The following CFAP57 variants were observed in gnomAD, a reference collection of about 807,000 sequenced individuals.
CFAP57 encodes the protein cilia and flagella associated protein 57.
In CFAP57, 116 loss-of-function variants were observed where a neutral mutation model predicts 146.8. The observed-to-expected ratio is 0.79, with a 90% CI of 0.68 to 0.92. The LOEUF (loss-of-function observed/expected upper bound fraction) is 0.92. Among genes scored for constraint, CFAP57 ranks in the 40% least tolerant of loss-of-function variants. CFAP57 has a pLI of 0.00. For missense variants in CFAP57, 1,377 were observed against 1,527.2 expected, an observed-to-expected ratio of 0.90 and a Z score of 1.64; for synonymous variants, 518 against 552.8, an observed-to-expected ratio of 0.94 and a Z score of 0.88.
intron 3 of CFAP57, among the ~76,000 whole-genome samples, 172 bp downstream of exon 3, chr1:43,182,022 C>T (rs545600159): frequency 6.6e-6 from 1 of 152,190 alleles, no homozygotes; most frequent in Non-Finnish European, 1.5e-5. Context: ...GATGAGAGAA[C>T]TGAGGATCCA....
chr1:43,199,059 G>C (rs1381656055), intron 8 of CFAP57, among the ~76,000 whole-genome samples: 1 of 152,222 alleles, frequency 6.6e-6, no homozygotes, highest in African/African-American at 2.4e-5. Context: ...AGCTTTCCCT[G>C]AGGTGTCTTG....
At chr1:43,242,197 C>A (rs1645951569) in intron 21 of CFAP57, among the ~76,000 whole-genome samples, 1 of 152,138 alleles carries the variant, frequency 6.6e-6, no homozygotes, top group Non-Finnish European at 1.5e-5. Flanking sequence ...CAAGCCTCAG[C>A]CCAGGGGTCA....
chr1:43,224,449 G>A (rs1645166621), intron 17 of CFAP57, among the ~76,000 whole-genome samples: 1 of 152,218 alleles, frequency 6.6e-6, no homozygotes, highest in Non-Finnish European at 1.5e-5. Flanking sequence ...TCGGGAAGCT[G>A]AACTCCAAGA....
At chr1:43,209,211 G>A (rs923153349) in intron 10 of CFAP57, among the ~76,000 whole-genome samples, 1 of 152,212 alleles carries the variant, frequency 6.6e-6, no homozygotes, top group Non-Finnish European at 1.5e-5. Context: ...GGAGACTAAT[G>A]TATGGTTTTG....
intron 18 of CFAP57, 95 bp downstream of exon 18, chr1:43,227,221 C>G: frequency 7.5e-7 from 1 of 1,336,242 alleles, no homozygotes; most frequent in African/African-American, 1.5e-5. Flanking sequence ...AGAAGCTCTT[C>G]TCACAGTCCT....
intron 13 of CFAP57, 32 bp downstream of exon 13, chr1:43,219,569 A>C: frequency 6.5e-7 from 1 of 1,549,522 alleles, no homozygotes; most frequent in Non-Finnish European, 8.7e-7. Flanking sequence ...ACAAGCACAA[A>C]TAACAAGAAA....
chr1:43,249,207 C>T (rs1319710089), intron 22 of CFAP57, among the ~76,000 whole-genome samples: 2 of 151,754 alleles, frequency 1.3e-5, no homozygotes. Flanking sequence ...GCCCATAACC[C>T]TTTCTTAATT....
intron 21 of CFAP57, among the ~76,000 whole-genome samples, chr1:43,239,762 G>A (rs945206132): frequency 1.3e-5 from 2 of 152,182 alleles, no homozygotes; most frequent in African/African-American, 2.4e-5. Context: ...CTACTGAAGG[G>A]AGAAATGGAG....
intron 17 of CFAP57, among the ~76,000 whole-genome samples, chr1:43,224,569 G>A (rs1645171572): frequency 1.3e-5 from 2 of 152,264 alleles, no homozygotes; most frequent in African/African-American, 2.4e-5. Flanking sequence ...CTTCCCCATG[G>A]GCTGGGGACA....
chr1:43,240,699 A>C (rs1645879390), intron 21 of CFAP57, among the ~76,000 whole-genome samples: 1 of 152,216 alleles, frequency 6.6e-6, no homozygotes, highest in Admixed American at 6.5e-5. Flanking sequence ...TTTATAAAGA[A>C]GAGAGGTTTA....
intron 10 of CFAP57, among the ~76,000 whole-genome samples, chr1:43,208,768 A>G (rs192618567): frequency 2.6e-5 from 4 of 151,990 alleles, no homozygotes; most frequent in African/African-American, 7.2e-5. Context: ...CGTTGTGCAC[A>G]TGTACCCTAG....
intron 2 of CFAP57, among the ~76,000 whole-genome samples, chr1:43,176,946 G>A (rs889827656): frequency 6.6e-6 from 1 of 152,102 alleles, no homozygotes; most frequent in Non-Finnish European, 1.5e-5. Context: ...ATAGCTGGGA[G>A]GCCAGTGTGG....
chr1:43,225,653 T>A (rs544748764), intron 17 of CFAP57, among the ~76,000 whole-genome samples: 55 of 152,356 alleles, frequency 3.6e-4, no homozygotes, highest in African/African-American at 1.3e-3. Context: ...GCACCCTCAA[T>A]ATATACTTTG....
At position 43,185,282 on chromosome 1, in the gene CFAP57, G is replaced by A. The variant is rs1642973806; in HGVS notation, c.895G>A (p.Ala299Thr). The A allele has an allele frequency of 6.2e-7, 1 of 1,614,140 alleles. No individual in the cohort carries two copies. Among genetic ancestry groups the A allele is most frequent in the Non-Finnish European group, 8.5e-7 (1 of 1,180,038 alleles). The change falls in exon 5 of 23, where the codon GCT becomes ACT. Residue 299 changes from alanine (A) to threonine (T), a missense_variant. Transcript: ENST00000372492. ...AAYSKGFACS[A>T]GPGRVLLFEK... The stretch of plus-strand genomic sequence containing the variant: ...CTATTCAAAGGGATTTGCCTGTTCT[G>A]CTGGGCCAGGGAGAGTTCTGCTGTT...
intron 17 of CFAP57, among the ~76,000 whole-genome samples, chr1:43,225,947 T>C (rs979411632): frequency 6.6e-6 from 1 of 152,020 alleles, no homozygotes; most frequent in Non-Finnish European, 1.5e-5. Flanking sequence ...CAGAGGCAGG[T>C]GGATCACTTG....
rs1300011793 is a variant in CFAP57 at position 43,172,750 on chromosome 1, G to C, written c.-4G>C. ...TCTTCAGCAGAACTGTTTGGCGGGA[G>C]ATCATGTCAGCCGTGGTAGCTCAGA... On this transcript the variant is annotated 5_prime_UTR_variant, in exon 2 of 23. Transcript: ENST00000372492. The C allele has an allele frequency of 6.2e-7, 1 of 1,614,056 alleles. No individual in the cohort carries two copies. Among genetic ancestry groups the C allele is most frequent in the East Asian group, 2.2e-5 (1 of 44,884 alleles).
chr1:43,186,659 A>G, intron 5 of CFAP57, 48 bp from the exon 6 acceptor site: 2 of 1,579,492 alleles, frequency 1.3e-6, no homozygotes, highest in Non-Finnish European at 1.7e-6. Context: ...CTAAGGCCAC[A>G]ATGACAACGT....
chr1:43,188,609 G>A (rs1643301998), intron 6 of CFAP57, among the ~76,000 whole-genome samples: 1 of 152,064 alleles, frequency 6.6e-6, no homozygotes, highest in Non-Finnish European at 1.5e-5. Flanking sequence ...TTAAAAAATT[G>A]AGTCATATGT....
At chr1:43,239,818 C>G (rs1386292119) in intron 21 of CFAP57, among the ~76,000 whole-genome samples, 1 of 152,186 alleles carries the variant, frequency 6.6e-6, no homozygotes, top group Non-Finnish European at 1.5e-5. Context: ...CTAAGACCTT[C>G]CCTTCTGTTC....
Sources: gnomAD v4.1 joint callset for allele counts (sites outside exome capture counted in the v4.1 genomes callset) on GRCh38, gnomAD v4.1.1 for gene constraint, MANE v1.5 for transcripts, NCBI Gene and HGNC (gene_info 2026-07-23, HGNC 2026-07-21) for gene names.